The following CDYL variants were observed in gnomAD, a reference collection of about 807,000 sequenced individuals.
CDYL encodes chromodomain Y-like protein.
Under a neutral mutation model 47.3 loss-of-function variants are expected in CDYL, and 8 were observed. That is an observed-to-expected ratio of 0.17 (90% CI 0.10 to 0.31). CDYL has a LOEUF of 0.31. Among genes scored for constraint, CDYL ranks in the 10% least tolerant of loss-of-function variants. The pLI is 1.00. For missense variants in CDYL, 471 were observed against 701.4 expected (o/e 0.67, Z 3.71); for synonymous variants, 266 against 265.0 (o/e 1.00, Z -0.04).
chr6:4,783,418 T>TA (rs35576252), intron 1 of CDYL, among the ~76,000 whole-genome samples: 3,410 of 101,770 alleles, frequency 0.034, 103 homozygotes, highest in African/African-American at 0.15. Context: ...TTCTTGAGAC[T>TA]TTTTTTTTTT....
At chr6:4,898,610 C>T (rs1004590276) in intron 2 of CDYL, among the ~76,000 whole-genome samples, 2 of 152,140 alleles carry the variant, frequency 1.3e-5, no homozygotes, top group African/African-American at 4.8e-5. Context: ...TATCCTCAGG[C>T]AGAATGATGT....
intron 3 of CDYL, among the ~76,000 whole-genome samples, chr6:4,744,754 A>G (rs1260180393): frequency 6.6e-6 from 1 of 152,202 alleles, no homozygotes; most frequent in Non-Finnish European, 1.5e-5. Flanking sequence ...GTCATAGCAA[A>G]TAGCAGAGCC....
intron 1 of CDYL, among the ~76,000 whole-genome samples, chr6:4,710,967 G>A (rs902857139): frequency 1.3e-5 from 2 of 151,638 alleles, no homozygotes; most frequent in African/African-American, 4.9e-5. Context: ...GTCAGGAGAT[G>A]GATATGTTAA....
chr6:4,711,824 G>A (rs1188978779), intron 1 of CDYL, among the ~76,000 whole-genome samples: 1 of 152,172 alleles, frequency 6.6e-6, no homozygotes, highest in East Asian at 1.9e-4. Context: ...CAACATTTTG[G>A]AAGGCTGGGG....
At chr6:4,951,656 C>T (rs899034896) in intron 5 of CDYL, among the ~76,000 whole-genome samples, 5 of 151,910 alleles carry the variant, frequency 3.3e-5, no homozygotes, top group Non-Finnish European at 5.9e-5. Context: ...TTTTCGTATC[C>T]AAGCGATACA....
chr6:4,755,279 C>T (rs1268294060), intron 3 of CDYL, among the ~76,000 whole-genome samples: 1 of 151,908 alleles, frequency 6.6e-6, no homozygotes, highest in African/African-American at 2.4e-5. Context: ...CCCTGTTGGC[C>T]AGGCTGGTCT....
intron 1 of CDYL, among the ~76,000 whole-genome samples, chr6:4,795,291 A>G (rs1318248350): frequency 3.3e-5 from 5 of 152,012 alleles, no homozygotes; most frequent in South Asian, 2.1e-4. Flanking sequence ...CCATCCTTAC[A>G]TTTCTGGGAT....
rs73717734 is a variant in CDYL, at chr6:4,810,089, C to T, written c.24+33282C>T. Among the ~76,000 whole-genome samples, 697 of 152,064 alleles carry T rather than the reference C, an allele frequency of 4.6e-3. 6 individuals are homozygous for T. Among genetic ancestry groups the T allele is most frequent in the African/African-American group, 0.016 (673 of 41,436 alleles). Reference sequence around the variant, plus strand: ...ATGTTTCTTGGACATACTTTCTCCCCGTTGGCTTTTGACTTTGATCTTGGT... The same window carrying T: ...ATGTTTCTTGGACATACTTTCTCCCTGTTGGCTTTTGACTTTGATCTTGGT... On this transcript the variant is annotated intron_variant, in intron 1 of 6. Coordinates refer to ENST00000397588, the MANE Select transcript of CDYL (RefSeq NM_004824.4).
chr6:4,871,383 T>A (rs978433442), intron 1 of CDYL, among the ~76,000 whole-genome samples: 2 of 152,172 alleles, frequency 1.3e-5, no homozygotes, highest in Non-Finnish European at 1.5e-5. Flanking sequence ...CCAAAAAGTT[T>A]TGGATTTTAG....
intron 2 of CDYL, among the ~76,000 whole-genome samples, chr6:4,931,291 T>G (rs546562249): frequency 6.6e-4 from 100 of 152,184 alleles, no homozygotes; most frequent in African/African-American, 2.3e-3. Context: ...GAGAAAGAAA[T>G]AACTTTCATG....
At position 4,734,679 on chromosome 6, in the gene CDYL, G is replaced by A. The variant is rs1046212144; in HGVS notation, c.104-83G>A. Reference sequence around the variant, plus strand: ...GGGAGGGCACAGGGATGGGAAGTTGGGGGATGGGGATGGAGGGAAGATGGG... The same window carrying A: ...GGGAGGGCACAGGGATGGGAAGTTGAGGGATGGGGATGGAGGGAAGATGGG... On this transcript the variant is annotated intron_variant, in intron 2 of 8. Transcript: ENST00000328908. The A allele has an allele frequency of 2.5e-4, 394 of 1,574,262 alleles. 1 individual carries two copies. Among genetic ancestry groups the A allele is most frequent in the Admixed American group, 3.0e-4 (17 of 56,944 alleles).
chr6:4,721,436 G>A (rs1263020817), intron 2 of CDYL, among the ~76,000 whole-genome samples: 1 of 152,160 alleles, frequency 6.6e-6, no homozygotes, highest in Non-Finnish European at 1.5e-5. Context: ...AGGCTGGAGT[G>A]CAGCGGCATG....
intron 1 of CDYL, among the ~76,000 whole-genome samples, chr6:4,841,996 A>G (rs1760505713): frequency 6.9e-6 from 1 of 144,104 alleles, no homozygotes; most frequent in Non-Finnish European, 1.5e-5. Context: ...AATTATTAAT[A>G]TAAATAAATT....
chr6:4,807,027 C>G (rs1235630497), intron 1 of CDYL, among the ~76,000 whole-genome samples: 1 of 151,986 alleles, frequency 6.6e-6, no homozygotes, highest in South Asian at 2.1e-4. Flanking sequence ...CTCACACGCT[C>G]TTTCCTCTGT....
At chr6:4,906,327 T>C (rs1757235868) in intron 2 of CDYL, among the ~76,000 whole-genome samples, 1 of 152,240 alleles carries the variant, frequency 6.6e-6, no homozygotes, top group Non-Finnish European at 1.5e-5. Context: ...AAAGGTGAAG[T>C]AACATAAGAA....
intron 2 of CDYL, among the ~76,000 whole-genome samples, chr6:4,894,517 G>A (rs1762139213): frequency 6.6e-6 from 1 of 152,172 alleles, no homozygotes; most frequent in Non-Finnish European, 1.5e-5. Context: ...TAAGATTTCT[G>A]TGTTCACACA....
chr6:4,719,983 A>T (rs962694288), intron 2 of CDYL, among the ~76,000 whole-genome samples: 1 of 152,220 alleles, frequency 6.6e-6, no homozygotes, highest in East Asian at 1.9e-4. Flanking sequence ...AGTCCATTTC[A>T]ACGCTTATAG....
At chr6:4,715,991 A>G (rs565954808) in intron 2 of CDYL, 14 of 1,471,096 alleles carry the variant, frequency 9.5e-6, no homozygotes, top group Middle Eastern at 2.0e-4. Context: ...GCTCACGCCT[A>G]TAATCCCAGC....
intron 2 of CDYL, among the ~76,000 whole-genome samples, chr6:4,717,267 C>T (rs1020303446): frequency 6.6e-6 from 1 of 152,156 alleles, no homozygotes; most frequent in African/African-American, 2.4e-5. Flanking sequence ...AATTCCTGTT[C>T]CGCCTACTGG....
Sources: allele counts gnomAD v4.1 joint callset (sites outside exome capture counted in the v4.1 genomes callset), GRCh38; gene constraint gnomAD v4.1.1; transcripts MANE v1.5; gene names NCBI Gene and HGNC (gene_info 2026-07-23, HGNC 2026-07-21).